SLC41A2: variants seen among roughly 807,000 people sequenced by gnomAD.
SLC41A2 encodes solute carrier family 41 member 2.
In SLC41A2, 32 loss-of-function variants were observed where a neutral mutation model predicts 58.3. The ratio of observed to expected loss-of-function variants is 0.55; its 90% CI spans 0.41 to 0.74. SLC41A2 has a LOEUF of 0.74. SLC41A2 is among the 30% of genes least tolerant of loss of function. SLC41A2 has a pLI of 0.00. For missense variants in SLC41A2, 514 were observed against 680.6 expected (o/e 0.76, Z 2.72); for synonymous variants, 190 against 235.0 (o/e 0.81, Z 1.75).
At chr12:104,884,560 C>G (rs1382771075) in intron 6 of SLC41A2, among the ~76,000 whole-genome samples, 4 of 152,176 alleles carry the variant, frequency 2.6e-5, no homozygotes, top group East Asian at 1.9e-4. Context: ...CCTCTATGTT[C>G]CTGGGCAAAC....
intron 3 of SLC41A2, among the ~76,000 whole-genome samples, chr12:104,908,512 T>C (rs1565892985): frequency 6.6e-6 from 1 of 152,214 alleles, no homozygotes; most frequent in South Asian, 2.1e-4. Flanking sequence ...ATCAACTCTA[T>C]CTTGCTTTAT....
chr12:104,885,881 T>C (rs146936032), intron 6 of SLC41A2, among the ~76,000 whole-genome samples: 144 of 152,242 alleles, frequency 9.5e-4, no homozygotes, highest in African/African-American at 2.8e-3. Flanking sequence ...GTACCACTTA[T>C]AAGCTTATAT....
At chr12:104,935,219 A>G (rs2047214533) in intron 1 of SLC41A2, among the ~76,000 whole-genome samples, 1 of 152,168 alleles carries the variant, frequency 6.6e-6, no homozygotes, top group Admixed American at 6.5e-5. Context: ...TCAGCCTCCC[A>G]AAGTGCTGGG....
In SLC41A2 at chr12:104,856,460, A is replaced by G. The variant is rs545299087; in HGVS notation, c.1255+4831T>C. On this transcript the variant is annotated intron_variant, in intron 8 of 10. Coordinates refer to ENST00000258538, the MANE Select transcript of SLC41A2 (RefSeq NM_001352171.3). Reference sequence around the variant, plus strand: ...AAATACTATAATGAGTTGAAAAAATACAGACTACACTTGGGAAAGTTTGAT... The same window carrying G: ...AAATACTATAATGAGTTGAAAAAATGCAGACTACACTTGGGAAAGTTTGAT... 2.0e-5 allele frequency among the ~76,000 whole-genome samples: 3 copies of G among 152,332 alleles called. No homozygotes were observed. In the South Asian group the frequency reaches 6.2e-4, roughly 32 times the overall value.
intron 10 of SLC41A2, among the ~76,000 whole-genome samples, chr12:104,839,494 GTTTTTCTTTTT>G (rs1018415990): frequency 1.1e-4 from 16 of 149,048 alleles, no homozygotes; most frequent in African/African-American, 2.2e-4. Context: ...TCCTCTTTCA[GTTTTTCTTTTT>G]TTTTTCTTTT....
chr12:104,892,315 ATAAAATAAAAT>A (rs2045036001), intron 4 of SLC41A2, among the ~76,000 whole-genome samples: 2 of 132,496 alleles, frequency 1.5e-5, no homozygotes, highest in African/African-American at 7.2e-5. Context: ...ATAAAATAAA[ATAAAATAAAAT>A]AAAATAAAAT....
chr12:104,886,857 A>T (rs1376969429), intron 5 of SLC41A2, among the ~76,000 whole-genome samples: 1 of 152,076 alleles, frequency 6.6e-6, no homozygotes, highest in Non-Finnish European at 1.5e-5. Context: ...GAAGGCCAAC[A>T]AAACCAGATT....
chr12:104,806,291 A>C, intron 10 of SLC41A2, among the ~76,000 whole-genome samples: 1 of 147,832 alleles, frequency 6.8e-6, no homozygotes, highest in African/African-American at 2.5e-5. Flanking sequence ...TTCAATTCCC[A>C]CCTATGAGTG....
chr12:104,845,753 A>C, intron 9 of SLC41A2, 90 bp downstream of exon 9: 1 of 1,355,794 alleles, frequency 7.4e-7, no homozygotes, highest in Non-Finnish European at 9.9e-7. Flanking sequence ...CAACTTTCAC[A>C]AAACACATAT....
At chr12:104,945,495 G>A (rs117883251) in intron 1 of SLC41A2, among the ~76,000 whole-genome samples, 5,809 of 151,026 alleles carry the variant, frequency 0.038, 154 homozygotes, top group East Asian at 0.11. Context: ...GCGAGACTCC[G>A]CCTCAAAAAA....
intron 3 of SLC41A2, among the ~76,000 whole-genome samples, chr12:104,904,959 T>C (rs10778355): frequency 0.71 from 107,941 of 151,878 alleles, 38,997 homozygotes; most frequent in African/African-American, 0.84. Context: ...CTGGCTCGGG[T>C]AGCCTGCTTT....
intron 8 of SLC41A2, among the ~76,000 whole-genome samples, chr12:104,855,405 A>G (rs2042983160): frequency 6.6e-6 from 1 of 152,130 alleles, no homozygotes; most frequent in Non-Finnish European, 1.5e-5. Flanking sequence ...TGTGTTTTTT[A>G]TTCTCGTGCT....
chr12:104,858,739 T>TGAG (rs1208673072), intron 8 of SLC41A2, among the ~76,000 whole-genome samples: 22 of 152,286 alleles, frequency 1.4e-4, no homozygotes, highest in African/African-American at 5.3e-4. Context: ...CTCAAACTTA[T>TGAG]GAGCTCAAGC....
chr12:104,814,511 G>C (rs1376341887), intron 10 of SLC41A2, among the ~76,000 whole-genome samples: 1 of 152,068 alleles, frequency 6.6e-6, no homozygotes, highest in Non-Finnish European at 1.5e-5. Flanking sequence ...TTGATCCCTT[G>C]GTTTCTAGCA....
intron 8 of SLC41A2, among the ~76,000 whole-genome samples, chr12:104,852,878 CTA>C (rs2042854177): frequency 6.6e-6 from 1 of 152,158 alleles, no homozygotes; most frequent in Non-Finnish European, 1.5e-5. Flanking sequence ...ATGACATACA[CTA>C]TGTTTCTACT....
chr12:104,832,638 A>G (rs1035847586), intron 10 of SLC41A2, among the ~76,000 whole-genome samples: 1 of 152,200 alleles, frequency 6.6e-6, no homozygotes, highest in East Asian at 1.9e-4. Context: ...TATAGATAAT[A>G]CAATGGTGTT....
intron 1 of SLC41A2, among the ~76,000 whole-genome samples, chr12:104,939,637 A>G (rs2047420913): frequency 6.6e-6 from 1 of 152,230 alleles, no homozygotes; most frequent in South Asian, 2.1e-4. Flanking sequence ...AAGTTAAATA[A>G]CAATGCTTAG....
At chr12:104,912,676 G>A (rs1191911130) in intron 2 of SLC41A2, among the ~76,000 whole-genome samples, 1 of 152,150 alleles carries the variant, frequency 6.6e-6, no homozygotes, top group Non-Finnish European at 1.5e-5. Flanking sequence ...AGCTTCAGCA[G>A]ACCAATCAAG....
chr12:104,913,489 T>C (rs2046172976), intron 2 of SLC41A2, among the ~76,000 whole-genome samples: 1 of 152,174 alleles, frequency 6.6e-6, no homozygotes, highest in Non-Finnish European at 1.5e-5. Flanking sequence ...CACAGAGTGG[T>C]TCTGGCCAGT....
Sources: allele counts gnomAD v4.1 joint callset (sites outside exome capture counted in the v4.1 genomes callset), GRCh38; gene constraint gnomAD v4.1.1; transcripts MANE v1.5; gene names NCBI Gene and HGNC (gene_info 2026-07-23, HGNC 2026-07-21).